The following ZMIZ1 variants were observed in gnomAD, a reference collection of about 807,000 sequenced individuals.
ZMIZ1 encodes zinc finger MIZ-type containing 1.
In ZMIZ1, 17 loss-of-function variants were observed where a neutral mutation model predicts 113.9. The ratio of observed to expected loss-of-function variants is 0.15; its 90% confidence interval spans 0.10 to 0.22. ZMIZ1 has a LOEUF of 0.22. ZMIZ1 is among the 10% of genes least tolerant of loss of function. The pLI is 1.00. For missense variants in ZMIZ1, 1,059 were observed against 1,477.8 expected (o/e 0.72, Z 4.65); for synonymous variants, 607 against 603.1 (o/e 1.01, Z -0.09).
intron 5 of ZMIZ1, 46 bp downstream of exon 5, chr10:79,201,738 G>T (rs751626713): frequency 1.2e-6 from 2 of 1,600,944 alleles, no homozygotes; most frequent in Admixed American, 1.7e-5. Flanking sequence ...CAGATGGGGC[G>T]GGCTGCAGCA....
intron 18 of ZMIZ1, among the ~76,000 whole-genome samples, chr10:79,303,382 G>A (rs1854459975): frequency 6.6e-6 from 1 of 150,526 alleles, no homozygotes; most frequent in African/African-American, 2.5e-5. Context: ...TTGAGCTGGG[G>A]AGGTCGAGGC....
intron 7 of ZMIZ1, among the ~76,000 whole-genome samples, chr10:79,255,121 C>T (rs554689316): frequency 2.0e-5 from 3 of 152,310 alleles, no homozygotes; most frequent in South Asian, 2.1e-4. Context: ...TGAGGAGGTT[C>T]GGGTTTCTGC....
chr10:79,235,324 T>C (rs1373134842), intron 7 of ZMIZ1, among the ~76,000 whole-genome samples: 1 of 152,182 alleles, frequency 6.6e-6, no homozygotes, highest in Non-Finnish European at 1.5e-5. Context: ...CACCGGGTGA[T>C]GAAGGACTCC....
At position 79,285,929 on chromosome 10, in the gene ZMIZ1, C is replaced by T. The variant is rs183071685; in HGVS notation, c.426-3846C>T. 1.7e-4 allele frequency among the ~76,000 whole-genome samples: 26 copies of T among 152,318 alleles called. No homozygotes were observed. The East Asian group carries it at 5.0e-3, about 29-fold the overall frequency. ...AGCCTGAGAAGAGGCACAGAGGCCC[C>T]TGTATTAGGGAGCAGTTGGCAAATG... On this transcript the variant is annotated intron_variant, in intron 8 of 24. Transcript: ENST00000334512.
chr10:79,270,528 G>T (rs1201542188), intron 7 of ZMIZ1, among the ~76,000 whole-genome samples: 1 of 152,228 alleles, frequency 6.6e-6, no homozygotes, highest in Non-Finnish European at 1.5e-5. Flanking sequence ...AAGGAAGAAT[G>T]CGCCGCCGAT....
At chr10:79,277,347 G>T in intron 8 of ZMIZ1, 22 bp downstream of exon 8, 1 of 1,574,624 alleles carries the variant, frequency 6.4e-7, no homozygotes, top group Non-Finnish European at 8.6e-7. Flanking sequence ...GGTGCCATGG[G>T]TGCAGGTACT....
At chr10:79,160,956 A>G (rs7068619) in intron 3 of ZMIZ1, among the ~76,000 whole-genome samples, 1 of 152,046 alleles carries the variant, frequency 6.6e-6, no homozygotes, top group Non-Finnish European at 1.5e-5. Flanking sequence ...GCTTGAATTC[A>G]GGGTTCTGCA....
intron 8 of ZMIZ1, among the ~76,000 whole-genome samples, chr10:79,278,343 T>C (rs80127878): frequency 0.071 from 10,869 of 152,232 alleles, 451 homozygotes; most frequent in Middle Eastern, 0.11. Flanking sequence ...AGCTCCAAGC[T>C]TCTCTTCTGT....
At chr10:79,233,061 A>G (rs565439667) in intron 7 of ZMIZ1, among the ~76,000 whole-genome samples, 7 of 152,280 alleles carry the variant, frequency 4.6e-5, no homozygotes, top group Non-Finnish European at 8.8e-5. Flanking sequence ...CCTCAGTGCA[A>G]TTAGGTAATT....
intron 4 of ZMIZ1, among the ~76,000 whole-genome samples, chr10:79,170,089 C>G (rs1459181473): frequency 6.6e-6 from 1 of 152,214 alleles, no homozygotes; most frequent in Non-Finnish European, 1.5e-5. Context: ...TGCAGATCAC[C>G]AGGCCCCTCT....
At position 79,201,640 on chromosome 10, in the gene ZMIZ1, C is replaced by A. The variant is rs1373971599; in HGVS notation, c.8C>A (p.Ser3Tyr). 1.2e-6 allele frequency: 2 copies of A among 1,613,684 alleles called. No individual in the cohort carries two copies. Among genetic ancestry groups the A allele is most frequent in the Non-Finnish European group, 1.7e-6 (2 of 1,179,866 alleles). Residue 3 changes from serine (S) to tyrosine (Y), a missense_variant, in exon 5 of 25, where the codon TCT becomes TAT. Around this residue, in one of 6 missense-constraint regions of ZMIZ1, gnomAD observed 272 missense variants for 350.4 expected, o/e 0.78. Coordinates refer to ENST00000334512, the MANE Select transcript of ZMIZ1 (RefSeq NM_020338.4). MNSMDRHIQQTND... is the reference protein window; with the variant it reads MNYMDRHIQQTND... The stretch of plus-strand genomic sequence containing the variant: ...CCTAGTGAAACGGCCAGAATGAATT[C>A]TATGGACAGGCACATCCAGCAGACC...
chr10:79,278,852 A>C (rs1852484845), intron 8 of ZMIZ1, among the ~76,000 whole-genome samples: 1 of 152,198 alleles, frequency 6.6e-6, no homozygotes, highest in Admixed American at 6.5e-5. Flanking sequence ...ACACAGACAC[A>C]GTAACAATCT....
chr10:79,132,996 G>T (rs1198106845), intron 2 of ZMIZ1, among the ~76,000 whole-genome samples: 1 of 152,180 alleles, frequency 6.6e-6, no homozygotes, highest in Non-Finnish European at 1.5e-5. Context: ...TCTGGGGTGG[G>T]GGAGGGGAAG....
chr10:79,126,195 A>G (rs1844503166), intron 2 of ZMIZ1, among the ~76,000 whole-genome samples: 1 of 152,198 alleles, frequency 6.6e-6, no homozygotes, highest in Admixed American at 6.5e-5. Context: ...TTGTAGGCCC[A>G]ATGGTCAGGG....
rs868197030 is a variant in ZMIZ1 at position 79,133,356 on chromosome 10, G to A, written c.-226-6326G>A. ...CTGGTCTGGAACTTATTCCCACTGT[G>A]TTGGCCTCCATTATTCCTGGATCTG... On this transcript the variant is annotated intron_variant, in intron 2 of 24. Transcript: ENST00000334512. Among the ~76,000 whole-genome samples the A allele has an allele frequency of 1.1e-4, 16 of 152,318 alleles. No individual in the cohort carries two copies. In the Middle Eastern group the frequency reaches 0.01, roughly 97 times the overall value.
At chr10:79,089,903 G>A (rs989976714) in intron 1 of ZMIZ1, among the ~76,000 whole-genome samples, 1 of 152,162 alleles carries the variant, frequency 6.6e-6, no homozygotes, top group Admixed American at 6.5e-5. Flanking sequence ...GACGGGATGC[G>A]CCGGAGTGTA....
intron 3 of ZMIZ1, among the ~76,000 whole-genome samples, chr10:79,150,494 A>C (rs1022645371): frequency 6.6e-6 from 1 of 152,194 alleles, no homozygotes; most frequent in Non-Finnish European, 1.5e-5. Flanking sequence ...GGGACCTAGC[A>C]GGAGAAACCT....
chr10:79,298,400 C>T lies in ZMIZ1; in HGVS notation c.1492-6C>T, dbSNP rs1184607243. On this transcript the variant is annotated splice_polypyrimidine_tract_variant and splice_region_variant and intron_variant, in intron 14 of 24. Transcript: ENST00000334512. Reference sequence around the variant, plus strand: ...TAACTCGTGCGTGTCTTTTCTTTCCCTCCAGCCTCCCAGGCCGGTTCCTGT... The same window carrying T: ...TAACTCGTGCGTGTCTTTTCTTTCCTTCCAGCCTCCCAGGCCGGTTCCTGT... 5.0e-6 allele frequency: 8 copies of T among 1,606,246 alleles called. No individual in the cohort carries two copies. Among genetic ancestry groups the T allele is most frequent in the Middle Eastern group, 1.7e-4 (1 of 6,030 alleles).
At chr10:79,161,823 C>T (rs570308137) in intron 3 of ZMIZ1, among the ~76,000 whole-genome samples, 1 of 151,190 alleles carries the variant, frequency 6.6e-6, no homozygotes, top group African/African-American at 2.4e-5. Flanking sequence ...CACTTTGACA[C>T]GTGAGGAAAT....
Sources: allele counts gnomAD v4.1 joint callset (sites outside exome capture counted in the v4.1 genomes callset), GRCh38; gene constraint gnomAD v4.1.1; regional missense constraint gnomAD v4.1.1; transcripts MANE v1.5; gene names NCBI Gene and HGNC (gene_info 2026-07-23, HGNC 2026-07-21).